The following ATG13 variants were observed in gnomAD, a reference collection of about 807,000 sequenced individuals.
ATG13 encodes autophagy related 13, also known as autophagy-related protein 13.
In ATG13, 23 loss-of-function variants were observed where a neutral mutation model predicts 65.5. The ratio of observed to expected loss-of-function variants is 0.35; its 90% CI spans 0.25 to 0.50. The LOEUF is 0.50. ATG13 is among the 20% of genes least tolerant of loss of function. The pLI, the probability that ATG13 is intolerant of heterozygous loss-of-function variation, is 0.98. For missense variants in ATG13, 566 were observed against 677.0 expected (o/e 0.84, Z 1.82); for synonymous variants, 252 against 245.2 (o/e 1.03, Z -0.26).
chr11:46,667,738 TGAGAAC>T, intron 14 of ATG13, 29 bp from the exon 15 acceptor site: 1 of 1,527,580 alleles, frequency 6.5e-7, no homozygotes, highest in Non-Finnish European at 9.0e-7. Flanking sequence ...TGCTGTGGTT[TGAGAAC>T]GAGTACTAAC....
chr11:46,648,126 T>C (rs1459171673), intron 5 of ATG13, among the ~76,000 whole-genome samples: 1 of 146,954 alleles, frequency 6.8e-6, no homozygotes, highest in East Asian at 2.1e-4. Context: ...TTTTTTTTCC[T>C]GCTCTGTTGC....
chr11:46,625,177 A>AT (rs2049061495), intron 1 of ATG13: 1 of 151,566 alleles, frequency 6.6e-6, no homozygotes, highest in Non-Finnish European at 1.5e-5. Flanking sequence ...AAAAAAAAAA[A>AT]GAAAAATCAA....
intron 11 of ATG13, among the ~76,000 whole-genome samples, chr11:46,662,238 T>G (rs909524486): frequency 6.6e-6 from 1 of 152,240 alleles, no homozygotes; most frequent in Non-Finnish European, 1.5e-5. Context: ...TTTATTTTTA[T>G]AAGCTCATCC....
chr11:46,644,250 G>A (rs1461349676), intron 2 of ATG13, 29 bp from the exon 3 acceptor site: 1 of 1,478,254 alleles, frequency 6.8e-7, no homozygotes, highest in Non-Finnish European at 9.3e-7. Flanking sequence ...AAAGATATTA[G>A]TCATATTTTT....
At chr11:46,661,391 G>C (rs1437594236) in intron 11 of ATG13, among the ~76,000 whole-genome samples, 1 of 151,158 alleles carries the variant, frequency 6.6e-6, no homozygotes, top group African/African-American at 2.4e-5. Flanking sequence ...AGCGGTGGGC[G>C]CCTATAATCC....
chr11:46,663,880 C>G (rs145921828), intron 11 of ATG13, 117 bp from the exon 12 acceptor site: 12 of 694,800 alleles, frequency 1.7e-5, no homozygotes, highest in Middle Eastern at 4.2e-4. Context: ...ACTCCAGTGT[C>G]AGTTCTGGCC....
intron 2 of ATG13, among the ~76,000 whole-genome samples, chr11:46,639,353 G>A (rs1349469751): frequency 6.6e-6 from 1 of 151,996 alleles, no homozygotes; most frequent in Non-Finnish European, 1.5e-5. Context: ...TTGTGAATTG[G>A]GCCAATTGTC....
chr11:46,655,169 A>T (rs959888652), intron 7 of ATG13, among the ~76,000 whole-genome samples: 13 of 151,626 alleles, frequency 8.6e-5, no homozygotes, highest in Non-Finnish European at 1.0e-4. Context: ...GGAGGCTGAG[A>T]CGGGCGGATC....
At position 46,673,085 on chromosome 11, in the gene ATG13, G is replaced by A. The variant is rs1433396191; in HGVS notation, c.*753G>A. The A allele has an allele frequency of 5.5e-6, 1 of 181,000 alleles. No homozygotes were observed. The highest frequency in any genetic ancestry group is 1.2e-5 in the Non-Finnish European group (1 of 84,070). The allele number at this position is 181,000 out of a possible 1,614,324, so 11.2% of individuals were successfully genotyped here. A position where few individuals can be genotyped will look rare whatever the true frequency, so the allele number is the denominator to read the frequency against. ...GTCACAGCAAAGTTCTCTTCCTCTT[G>A]TCCCCCCGTTGCTGCTCCTTGGTTA... On this transcript the variant is annotated 3_prime_UTR_variant, in exon 19 of 19. Transcript: ENST00000683050.
chr11:46,661,149 C>G (rs1358124977), intron 11 of ATG13, among the ~76,000 whole-genome samples: 1 of 152,176 alleles, frequency 6.6e-6, no homozygotes, highest in Non-Finnish European at 1.5e-5. Flanking sequence ...CCTCAGTCTC[C>G]CAAGTACTGT....
intron 11 of ATG13, among the ~76,000 whole-genome samples, chr11:46,660,463 G>A (rs1473076869): frequency 7.2e-6 from 1 of 139,204 alleles, no homozygotes; most frequent in Non-Finnish European, 1.5e-5. Flanking sequence ...AGGCTGGAAT[G>A]CAGTGGCATG....
At chr11:46,627,196 A>G (rs1196488023) in intron 1 of ATG13, among the ~76,000 whole-genome samples, 1 of 152,166 alleles carries the variant, frequency 6.6e-6, no homozygotes, top group Non-Finnish European at 1.5e-5. Flanking sequence ...TCTGGCCAAC[A>G]TGATGAAACC....
At chr11:46,617,961 C>T in intron 1 of ATG13, 71 bp downstream of exon 1, 1 of 399,042 alleles carries the variant, frequency 2.5e-6, no homozygotes, top group East Asian at 3.6e-5. Context: ...GATCTGCGGC[C>T]CCTTGGCTGC....
In ATG13 at chr11:46,667,755, T is replaced by C. The variant is rs1410733632; in HGVS notation, c.1137-18T>C. ...CTGTGGTTTGAGAACGAGTACTAACTTCACCTTTCTCCTCCAGTGAGGATA... is the reference window on the plus strand; with the variant it reads ...CTGTGGTTTGAGAACGAGTACTAACCTCACCTTTCTCCTCCAGTGAGGATA... On this transcript the variant is annotated intron_variant, in intron 14 of 18. Coordinates refer to ENST00000683050, the MANE Select transcript of ATG13 (RefSeq NM_001346311.2). The C allele has an allele frequency of 1.3e-6, 2 of 1,576,180 alleles. No individual in the cohort carries two copies. The highest frequency in any genetic ancestry group is 1.4e-5 in the African/African-American group (1 of 74,060).
chr11:46,646,891 C>T (rs2057701844), intron 5 of ATG13, among the ~76,000 whole-genome samples: 1 of 152,050 alleles, frequency 6.6e-6, no homozygotes, highest in South Asian at 2.1e-4. Flanking sequence ...TCCTGAGTAG[C>T]TGAGACTATA....
At chr11:46,624,212 C>T (rs931452686) in intron 1 of ATG13, among the ~76,000 whole-genome samples, 1 of 152,096 alleles carries the variant, frequency 6.6e-6, no homozygotes, top group African/African-American at 2.4e-5. Context: ...CCATGTTGGC[C>T]AGGCTGGTCT....
chr11:46,640,172 T>C (rs1217399692), intron 2 of ATG13, among the ~76,000 whole-genome samples: 2 of 152,156 alleles, frequency 1.3e-5, no homozygotes, highest in Non-Finnish European at 2.9e-5. Context: ...ACAAAAGTCT[T>C]ATGATTCTAA....
At chr11:46,664,338 TTAAA>T (rs1489313247) in intron 12 of ATG13, among the ~76,000 whole-genome samples, 1 of 152,208 alleles carries the variant, frequency 6.6e-6, no homozygotes, top group Non-Finnish European at 1.5e-5. Flanking sequence ...TATCAGATTT[TTAAA>T]TAAACAACTC....
chr11:46,633,055 T>C (rs1485129772), intron 2 of ATG13, among the ~76,000 whole-genome samples: 3 of 139,900 alleles, frequency 2.1e-5, no homozygotes, highest in African/African-American at 7.8e-5. Flanking sequence ...AACGGGGTCT[T>C]GCTCTGTCGC....
Sources: gnomAD v4.1 joint callset for allele counts (sites outside exome capture counted in the v4.1 genomes callset) on GRCh38, gnomAD v4.1.1 for gene constraint, MANE v1.5 for transcripts, NCBI Gene and HGNC (gene_info 2026-07-23, HGNC 2026-07-21) for gene names.